SDK1: variants seen among roughly 807,000 people sequenced by gnomAD.
SDK1 encodes sidekick cell adhesion molecule 1.
Under a neutral mutation model 245.5 loss-of-function variants are expected in SDK1, and 157 were observed. The observed-to-expected ratio is 0.64, with a 90% CI of 0.56 to 0.73. SDK1 has a LOEUF of 0.73. Ranked by LOEUF, SDK1 falls within the 30% of genes least tolerant of loss-of-function variation. The probability of loss-of-function intolerance (pLI) is 0.00; values close to 1 mark genes in which losing one functional copy is unlikely to be tolerated. For missense variants in SDK1, 3,583 were observed against 3,002.3 expected (o/e 1.19, Z -4.52); for synonymous variants, 1,647 against 1,278.5 (o/e 1.29, Z -6.15).
chr7:3,544,940 A>G (rs968079342), intron 1 of SDK1, among the ~76,000 whole-genome samples: 13 of 152,070 alleles, frequency 8.5e-5, no homozygotes, highest in Non-Finnish European at 1.5e-5. Context: ...GATTTGTATA[A>G]AACTCACGGA....
At chr7:3,621,098 C>T (rs1781924475) in intron 2 of SDK1, among the ~76,000 whole-genome samples, 1 of 152,120 alleles carries the variant, frequency 6.6e-6, no homozygotes, top group African/African-American at 2.4e-5. Flanking sequence ...AAGATCCCTC[C>T]TCATTTGCAG....
At chr7:3,497,477 A>T (rs968516944) in intron 1 of SDK1, among the ~76,000 whole-genome samples, 2 of 152,164 alleles carry the variant, frequency 1.3e-5, no homozygotes, top group Non-Finnish European at 2.9e-5. Flanking sequence ...CTTTCCAGTC[A>T]TTGCTATTCG....
At chr7:4,111,855 G>A (rs1250902936) in intron 23 of SDK1, among the ~76,000 whole-genome samples, 1 of 152,168 alleles carries the variant, frequency 6.6e-6, no homozygotes, top group Non-Finnish European at 1.5e-5. Flanking sequence ...TTATGTATGT[G>A]TAAAGAAGAG....
At chr7:3,478,567 A>G (rs561953463) in intron 1 of SDK1, among the ~76,000 whole-genome samples, 32 of 152,168 alleles carry the variant, frequency 2.1e-4, no homozygotes, top group East Asian at 3.9e-4. Flanking sequence ...ATGTGTATCT[A>G]TAAGTCTTTT....
In SDK1 at chr7:4,268,534, C is replaced by G. The variant is rs541592651; in HGVS notation, c.*3150C>G. On this transcript the variant is annotated 3_prime_UTR_variant, in exon 45 of 45. Transcript: ENST00000404826. ...GACCCAGATGGCCACACACGGAACGCGCCTCCACAGCCCCGGGAGGTGGCT... is the reference window on the plus strand; with the variant it reads ...GACCCAGATGGCCACACACGGAACGGGCCTCCACAGCCCCGGGAGGTGGCT... 10 of 1,259,002 alleles carry G rather than the reference C, an allele frequency of 7.9e-6. No homozygotes were observed. The highest frequency in any genetic ancestry group is 1.0e-5 in the Non-Finnish European group (10 of 967,696). The allele number at this position is 1,259,002 out of a possible 1,614,324, so 78.0% of individuals were successfully genotyped here.
chr7:3,310,737 A>G (rs1345175874), intron 1 of SDK1, among the ~76,000 whole-genome samples: 2 of 152,218 alleles, frequency 1.3e-5, no homozygotes, highest in African/African-American at 4.8e-5. Flanking sequence ...GGCTTTTGGT[A>G]TAAATATTTG....
chr7:3,389,987 G>C (rs141507027), intron 1 of SDK1, among the ~76,000 whole-genome samples: 1,906 of 152,238 alleles, frequency 0.013, 24 homozygotes, highest in South Asian at 0.032. Flanking sequence ...CTTGTTATTG[G>C]TAAGTGGGGG....
chr7:3,337,017 CATACCAATTT>C (rs141281709), intron 1 of SDK1, among the ~76,000 whole-genome samples: 3,500 of 152,172 alleles, frequency 0.023, 141 homozygotes, highest in African/African-American at 0.079. Context: ...GGATACAATT[CATACCAATTT>C]ATACAATTCT....
chr7:4,037,056 TAAC>T (rs1357362508), intron 17 of SDK1, among the ~76,000 whole-genome samples: 1 of 152,182 alleles, frequency 6.6e-6, no homozygotes, highest in Non-Finnish European at 1.5e-5. Context: ...CCAAAAGTAA[TAAC>T]AATGATGATG....
intron 35 of SDK1, among the ~76,000 whole-genome samples, chr7:4,198,002 C>A (rs1783679774): frequency 6.6e-6 from 1 of 152,190 alleles, no homozygotes; most frequent in Non-Finnish European, 1.5e-5. Flanking sequence ...GGGACCAGGA[C>A]GCACAGGCCT....
chr7:3,413,355 T>C (rs757458944), intron 1 of SDK1, among the ~76,000 whole-genome samples: 1 of 152,202 alleles, frequency 6.6e-6, no homozygotes, highest in Non-Finnish European at 1.5e-5. Flanking sequence ...GGTAAGGAGT[T>C]GCAAGATTTC....
At position 3,654,896 on chromosome 7, in the gene SDK1, C is replaced by G. The variant is rs144923385; in HGVS notation, c.713+12791C>G. Among the ~76,000 whole-genome samples the G allele has an allele frequency of 1.5e-3, 230 of 152,204 alleles. 1 individual carries two copies. The highest frequency in any genetic ancestry group is 5.3e-3 in the African/African-American group (219 of 41,524). ...TAATGCATTTCTTTACCAATATTAG[C>G]CCATTATACATCTGAAGTCAGTTGC... On this transcript the variant is annotated intron_variant, in intron 4 of 44. Coordinates refer to ENST00000404826, the MANE Select transcript of SDK1 (RefSeq NM_152744.4).
At chr7:3,860,921 C>G (rs1780673874) in intron 5 of SDK1, among the ~76,000 whole-genome samples, 1 of 152,164 alleles carries the variant, frequency 6.6e-6, no homozygotes, top group Admixed American at 6.5e-5. Flanking sequence ...CCTTTAAAAA[C>G]CTGCTTGCAA....
rs571565911 is a variant in SDK1 at position 3,805,959 on chromosome 7, T to G, written c.714-15491T>G. Among the ~76,000 whole-genome samples, 8 of 152,170 alleles carry G rather than the reference T, an allele frequency of 5.3e-5. No individual in the cohort carries two copies. The South Asian group carries it at 1.0e-3, about 20-fold the overall frequency. ...CTTCCTTTACAGAGCTATTCTAGTT[T>G]TCGTGCTTCTCTCCTCAGTGTGAAT... On this transcript the variant is annotated intron_variant, in intron 4 of 44. Transcript: ENST00000404826.
chr7:3,790,775 G>C (rs1781057112), intron 4 of SDK1, among the ~76,000 whole-genome samples: 1 of 152,114 alleles, frequency 6.6e-6, no homozygotes, highest in African/African-American at 2.4e-5. Flanking sequence ...TATTGCCTGG[G>C]AAACAAGAGC....
chr7:3,461,149 C>G (rs778916216), intron 1 of SDK1, among the ~76,000 whole-genome samples: 2 of 152,116 alleles, frequency 1.3e-5, no homozygotes, highest in Non-Finnish European at 2.9e-5. Flanking sequence ...CTAGCAATCC[C>G]TTGTTGAGTT....
chr7:3,558,367 C>T (rs1583164382), intron 1 of SDK1, among the ~76,000 whole-genome samples: 1 of 152,346 alleles, frequency 6.6e-6, no homozygotes. Context: ...GCACATACTG[C>T]CTGCAGTGGA....
At chr7:3,705,775 G>A (rs189969111) in intron 4 of SDK1, among the ~76,000 whole-genome samples, 1 of 151,786 alleles carries the variant, frequency 6.6e-6, no homozygotes, top group African/African-American at 2.4e-5. Context: ...GATTCCTCTG[G>A]CTAGGACTTC....
At chr7:3,957,769 G>T (rs369550688) in intron 7 of SDK1, among the ~76,000 whole-genome samples, 20 of 152,294 alleles carry the variant, frequency 1.3e-4, no homozygotes, top group African/African-American at 4.6e-4. Flanking sequence ...AGATGAGCTT[G>T]AAAAAGGTAG....
Sources: gnomAD v4.1 joint callset for allele counts (sites outside exome capture counted in the v4.1 genomes callset) on GRCh38, gnomAD v4.1.1 for gene constraint, MANE v1.5 for transcripts, NCBI Gene and HGNC (gene_info 2026-07-23, HGNC 2026-07-21) for gene names.